Variants in SLC24A5 observed in about 807,000 individuals in gnomAD.
The protein encoded by SLC24A5 is sodium/potassium/calcium exchanger 5.
In SLC24A5, 46 loss-of-function variants were observed where a neutral mutation model predicts 51.6. The ratio of observed to expected loss-of-function variants is 0.89; its 90% CI spans 0.70 to 1.14. The LOEUF (loss-of-function observed/expected upper bound fraction) is 1.14. Ranked by LOEUF, SLC24A5 falls within the 50% of genes most tolerant of loss-of-function variation. The probability of loss-of-function intolerance (pLI) is 0.00; values close to 1 mark genes in which losing one functional copy is unlikely to be tolerated. For synonymous variants in SLC24A5, 230 were observed against 214.9 expected (o/e 1.07, Z -0.62); for missense variants, 581 against 604.1 (o/e 0.96, Z 0.40).
In SLC24A5 at chr15:48,136,864, A is replaced by G. The variant is rs758011238; in HGVS notation, c.772A>G (p.Ile258Val). 3 of 1,613,802 alleles carry G rather than the reference A, an allele frequency of 1.9e-6. No homozygotes were observed. Among genetic ancestry groups the G allele is most frequent in the African/African-American group, 2.7e-5 (2 of 74,924 alleles). The change falls in exon 6 of 9, where the codon ATT becomes GTT. Residue 258 changes from isoleucine (I) to valine (V), a missense_variant. Ile to Val is a conservative substitution (Grantham distance 29). Coordinates refer to ENST00000341459, the MANE Select transcript of SLC24A5 (RefSeq NM_205850.3). ...CTGGGAAGATGAAGGTCAACCATTC[A>G]TTCGTCGGCAATCAAGAACTGATAG... ...MGWEDEGQPF[I>V]RRQSRTDSGI...
chr15:48,134,155 G>A (rs2038836783), intron 2 of SLC24A5, 103 bp from the exon 3 acceptor site: 1 of 954,414 alleles, frequency 1.0e-6, no homozygotes, highest in Admixed American at 2.1e-5. Flanking sequence ...TAGTTTAATA[G>A]TGGTTTTATG....
At chr15:48,125,853 C>G (rs1034905695) in intron 2 of SLC24A5, among the ~76,000 whole-genome samples, 1 of 152,096 alleles carries the variant, frequency 6.6e-6, no homozygotes, top group East Asian at 1.9e-4. Flanking sequence ...ATACTGAGTT[C>G]CAACCTAGAA....
At chr15:48,136,626 A>T in intron 5 of SLC24A5, 57 bp from the exon 6 acceptor site, 1 of 1,482,220 alleles carries the variant, frequency 6.7e-7, no homozygotes, top group South Asian at 1.3e-5. Flanking sequence ...CCCAAAAGCT[A>T]TCAACTCTAA....
chr15:48,122,056 C>T lies in SLC24A5; in HGVS notation c.301+20C>T, dbSNP rs776842557. 3.1e-6 allele frequency: 5 copies of T among 1,612,720 alleles called. No homozygotes were observed. Among genetic ancestry groups the T allele is most frequent in the Non-Finnish European group, 8.5e-7 (1 of 1,178,954 alleles). On this transcript the variant is annotated intron_variant, in intron 2 of 8. Coordinates refer to ENST00000341459, the MANE Select transcript of SLC24A5 (RefSeq NM_205850.3). ...GTGAATGTAAGTGGCTGGAAAGTTG[C>T]CCTGTAACCTTCTGGGAGAGTGTGC...
chr15:48,134,677 C>G (rs2038852637), intron 4 of SLC24A5, 139 bp downstream of exon 4: 2 of 725,390 alleles, frequency 2.8e-6, no homozygotes, highest in Non-Finnish European at 4.5e-6. Context: ...AACATGTATT[C>G]AATTTAATGT....
intron 2 of SLC24A5, among the ~76,000 whole-genome samples, chr15:48,131,810 T>C (rs981882802): frequency 5.9e-5 from 9 of 152,158 alleles, no homozygotes; most frequent in Admixed American, 5.2e-4. Context: ...ACAAGCAACA[T>C]GACCAAAGGC....
intron 2 of SLC24A5, among the ~76,000 whole-genome samples, chr15:48,125,596 C>CA (rs1305779387): frequency 4.0e-5 from 6 of 151,828 alleles, no homozygotes; most frequent in South Asian, 2.1e-4. Context: ...AAAATTTTGA[C>CA]AAAAAAATAT....
intron 4 of SLC24A5, 144 bp from the exon 5 acceptor site, chr15:48,134,740 C>A: frequency 1.3e-6 from 1 of 761,464 alleles, no homozygotes; most frequent in Non-Finnish European, 2.1e-6. Context: ...TAAGTTAGAA[C>A]ACAATTTTAC....
chr15:48,139,246 A>G, intron 7 of SLC24A5, 71 bp downstream of exon 7: 1 of 1,310,768 alleles, frequency 7.6e-7, no homozygotes, highest in South Asian at 1.3e-5. Context: ...TGTTCACTCA[A>G]AGTAGTCTAG....
chr15:48,135,269 A>T, intron 5 of SLC24A5: 1 of 253,170 alleles, frequency 3.9e-6, no homozygotes, highest in Non-Finnish European at 7.7e-6. Flanking sequence ...AAGTTTCCCA[A>T]CTCCTGTTGT....
In SLC24A5 at chr15:48,121,206, T is replaced by A. The variant is rs111337581; in HGVS notation, c.121+41T>A. On this transcript the variant is annotated intron_variant, in intron 1 of 8. Transcript: ENST00000341459. ...GGTCAGTTAGCTCTGCAGCAGCAGC[T>A]GCTGCTGCTGCTACCACATACAGAT... 1,291 of 1,525,216 alleles carry A rather than the reference T, an allele frequency of 8.5e-4. 9 individuals carry two copies. The African/African-American group carries it at 0.016, about 19-fold the overall frequency. The allele number at this position is 1,525,216 out of a possible 1,614,324, so 94.5% of individuals were successfully genotyped here. A position where few individuals can be genotyped will look rare whatever the true frequency, so the allele number is the denominator to read the frequency against.
Position 48,122,241 on chromosome 15 carries a change from A to G in SLC24A5, c.301+205A>G, listed in dbSNP as rs1052660898. 6 of 604,086 alleles carry G rather than the reference A, an allele frequency of 9.9e-6. No individual in the cohort carries two copies. The African/African-American group carries it at 1.1e-4, about 11-fold the overall frequency. 37.4% of individuals were successfully genotyped at this position (604,086 alleles called of 1,614,324 possible). On this transcript the variant is annotated intron_variant, in intron 2 of 8. Transcript: ENST00000341459. ...ATGTGAATCAGAGTTTCTTCAAGTTAGAACCCGGCAGTTATTATTTTTCTG... is the reference window on the plus strand; with the variant it reads ...ATGTGAATCAGAGTTTCTTCAAGTTGGAACCCGGCAGTTATTATTTTTCTG...
At chr15:48,133,302 T>C (rs1399178086) in intron 2 of SLC24A5, among the ~76,000 whole-genome samples, 1 of 152,196 alleles carries the variant, frequency 6.6e-6, no homozygotes, top group Non-Finnish European at 1.5e-5. Flanking sequence ...CTACCTCTAT[T>C]AGCTAGTTTT....
chr15:48,141,637 A>AG (rs948480063), intron 8 of SLC24A5: 1 of 165,216 alleles, frequency 6.1e-6, no homozygotes, highest in African/African-American at 2.4e-5. Flanking sequence ...CATACTTTGA[A>AG]GGGGGAAAAA....
intron 2 of SLC24A5, among the ~76,000 whole-genome samples, chr15:48,131,344 C>A (rs546109325): frequency 6.6e-6 from 1 of 152,012 alleles, no homozygotes; most frequent in East Asian, 1.9e-4. Flanking sequence ...AGGAAATATG[C>A]TATGGTTTGG....
Position 48,121,912 on chromosome 15 carries a change from C to G in SLC24A5, c.177C>G (p.Phe59Leu). 1 of 1,614,144 alleles carries G rather than the reference C, an allele frequency of 6.2e-7. No individual in the cohort carries two copies. The highest frequency in any genetic ancestry group is 8.5e-7 in the Non-Finnish European group (1 of 1,180,010). The change falls in exon 2 of 9, where the codon TTC becomes TTG. Residue 59 changes from phenylalanine to leucine, a missense_variant. Coordinates refer to ENST00000341459, the MANE Select transcript of SLC24A5 (RefSeq NM_205850.3). Reference protein sequence around the residue: ...SPSSEFPEGFFTRQERRDGGI... With the variant: ...SPSSEFPEGFLTRQERRDGGI... ...CATCGGAGTTTCCCGAAGGGTTTTT[C>G]ACGAGACAGGAGCGCAGAGATGGAG...
intron 6 of SLC24A5, 76 bp downstream of exon 6, chr15:48,137,039 G>A: frequency 1.4e-6 from 2 of 1,443,978 alleles, no homozygotes; most frequent in Non-Finnish European, 1.9e-6. Flanking sequence ...AATTCAGCAA[G>A]TATTGTGTGC....
At position 48,120,995 on chromosome 15, in the gene SLC24A5, T is replaced by C. The variant is rs1168309958; in HGVS notation, c.-50T>C. ...CTCCTCACATGATCCAGTTTAATCC[T>C]CCTCTTCTCCCTTCCTGAAGCTGCA... On this transcript the variant is annotated 5_prime_UTR_variant, in exon 1 of 9. Coordinates refer to ENST00000341459, the MANE Select transcript of SLC24A5 (RefSeq NM_205850.3). 6.3e-7 allele frequency: 1 copy of C among 1,590,356 alleles called. No homozygotes were observed. Among genetic ancestry groups the C allele is most frequent in the East Asian group, 2.3e-5 (1 of 44,422 alleles).
intron 2 of SLC24A5, chr15:48,122,359 C>T (rs959178245): frequency 2.3e-6 from 1 of 442,618 alleles, no homozygotes; most frequent in Non-Finnish European, 4.0e-6. Flanking sequence ...TGTGTGCGCT[C>T]CTAATACAAT....
Sources: allele counts gnomAD v4.1 joint callset (sites outside exome capture counted in the v4.1 genomes callset), GRCh38; gene constraint gnomAD v4.1.1; transcripts MANE v1.5; gene names NCBI Gene and HGNC (gene_info 2026-07-23, HGNC 2026-07-21).